PPFIA2: variants seen among roughly 807,000 people sequenced by gnomAD.
The protein encoded by PPFIA2 is liprin-alpha-2.
A neutral mutation model predicts 175.5 loss-of-function variants in PPFIA2; 46 were observed. That is an observed-to-expected ratio of 0.26 (90% CI 0.21 to 0.34). The LOEUF is 0.34. Among genes scored for constraint, PPFIA2 ranks in the 10% least tolerant of loss-of-function variants. The probability of loss-of-function intolerance (pLI) is 1.00; values close to 1 mark genes in which losing one functional copy is unlikely to be tolerated. For missense variants in PPFIA2, 1,179 were observed against 1,506.1 expected, an observed-to-expected ratio of 0.78 and a Z score of 3.60; for synonymous variants, 568 against 511.4, an observed-to-expected ratio of 1.11 and a Z score of -1.49.
chr12:81,610,828 T>C (rs1400531711), intron 4 of PPFIA2, among the ~76,000 whole-genome samples: 1 of 152,168 alleles, frequency 6.6e-6, no homozygotes, highest in Non-Finnish European at 1.5e-5. Flanking sequence ...CGGAACTGAT[T>C]CTTTCTCATC....
chr12:81,549,586 T>G (rs146223245), intron 4 of PPFIA2, among the ~76,000 whole-genome samples: 155 of 152,084 alleles, frequency 1.0e-3, no homozygotes, highest in Middle Eastern at 6.8e-3. Context: ...ACCTGGTCGC[T>G]CCAATGTTCT....
intron 4 of PPFIA2, among the ~76,000 whole-genome samples, chr12:81,623,022 C>T (rs61496869): frequency 0.033 from 5,003 of 152,112 alleles, 107 homozygotes; most frequent in South Asian, 0.066. Context: ...AATGTGTTTA[C>T]ATGTTTTTGG....
intron 22 of PPFIA2, among the ~76,000 whole-genome samples, chr12:81,322,467 A>T (rs1041867486): frequency 6.6e-6 from 1 of 152,174 alleles, no homozygotes; most frequent in Admixed American, 6.6e-5. Flanking sequence ...ATTGAGAATA[A>T]GTGACTCACC....
intron 7 of PPFIA2, among the ~76,000 whole-genome samples, chr12:81,434,104 T>C (rs1375497655): frequency 2.0e-5 from 3 of 152,012 alleles, no homozygotes; most frequent in Admixed American, 2.0e-4. Flanking sequence ...ATACACTCTA[T>C]GACTTAAGGC....
At chr12:81,465,699 C>A (rs1022325657) in intron 4 of PPFIA2, among the ~76,000 whole-genome samples, 8 of 152,034 alleles carry the variant, frequency 5.3e-5, no homozygotes, top group African/African-American at 1.7e-4. Flanking sequence ...TTTCCCCAAA[C>A]CACAGGACAT....
At chr12:81,706,744 A>G (rs2077202109) in intron 3 of PPFIA2, among the ~76,000 whole-genome samples, 1 of 152,162 alleles carries the variant, frequency 6.6e-6, no homozygotes. Context: ...AAAAGAACAA[A>G]GCTGGAGGCA....
intron 4 of PPFIA2, among the ~76,000 whole-genome samples, chr12:81,492,008 C>T (rs1297710570): frequency 6.6e-6 from 1 of 151,968 alleles, no homozygotes; most frequent in East Asian, 1.9e-4. Flanking sequence ...AGTTGTAGTA[C>T]TTCATTGAAT....
intron 11 of PPFIA2, among the ~76,000 whole-genome samples, chr12:81,371,414 T>C (rs556050695): frequency 6.6e-6 from 1 of 151,774 alleles, no homozygotes; most frequent in African/African-American, 2.4e-5. Context: ...ATGCAGTTAG[T>C]AGTGTTTAAA....
At chr12:81,390,917 A>T (rs1399304399) in intron 8 of PPFIA2, among the ~76,000 whole-genome samples, 1 of 151,816 alleles carries the variant, frequency 6.6e-6, no homozygotes, top group East Asian at 1.9e-4. Flanking sequence ...ATTTGAAATT[A>T]TTAATGATCA....
chr12:81,661,096 C>A (rs1169113872), intron 4 of PPFIA2, among the ~76,000 whole-genome samples: 1 of 152,114 alleles, frequency 6.6e-6, no homozygotes, highest in Admixed American at 6.5e-5. Context: ...CAAAAACATG[C>A]CAAATTGTAA....
intron 4 of PPFIA2, among the ~76,000 whole-genome samples, chr12:81,624,619 T>C (rs1314732603): frequency 6.8e-6 from 1 of 146,340 alleles, no homozygotes; most frequent in Non-Finnish European, 1.5e-5. Context: ...TATATAATTA[T>C]ATATATAATA....
At chr12:81,283,763 T>C (rs2042625029) in intron 25 of PPFIA2, among the ~76,000 whole-genome samples, 1 of 152,136 alleles carries the variant, frequency 6.6e-6, no homozygotes, top group South Asian at 2.1e-4. Context: ...AATTGTGCTT[T>C]TCAGTACCAA....
At chr12:81,734,868 T>C (rs1419919061) in intron 3 of PPFIA2, among the ~76,000 whole-genome samples, 1 of 151,848 alleles carries the variant, frequency 6.6e-6, no homozygotes, top group Non-Finnish European at 1.5e-5. Context: ...TAATCTCCTT[T>C]CCATCTTATA....
intron 4 of PPFIA2, among the ~76,000 whole-genome samples, chr12:81,650,914 T>C (rs776970356): frequency 6.6e-6 from 1 of 152,014 alleles, no homozygotes; most frequent in South Asian, 2.1e-4. Flanking sequence ...CAGGCAGAAA[T>C]AGAACAGTTT....
intron 4 of PPFIA2, among the ~76,000 whole-genome samples, chr12:81,487,098 G>C (rs1482659956): frequency 1.3e-5 from 2 of 151,888 alleles, no homozygotes; most frequent in African/African-American, 4.8e-5. Context: ...ATCATGCATA[G>C]CACAGTGTGT....
chr12:81,622,987 A>AT (rs528970418), intron 4 of PPFIA2, among the ~76,000 whole-genome samples: 62 of 152,224 alleles, frequency 4.1e-4, no homozygotes, highest in African/African-American at 1.3e-3. Flanking sequence ...TTATAGGAAA[A>AT]CATTAACTGT....
At chr12:81,276,031 G>A (rs1163994033) in intron 28 of PPFIA2, among the ~76,000 whole-genome samples, 1 of 152,034 alleles carries the variant, frequency 6.6e-6, no homozygotes, top group Non-Finnish European at 1.5e-5. Context: ...TGATCCGCCC[G>A]CCTCGGCCTC....
At chr12:81,651,674 A>G (rs1196772508) in intron 4 of PPFIA2, among the ~76,000 whole-genome samples, 3 of 152,156 alleles carry the variant, frequency 2.0e-5, no homozygotes, top group Admixed American at 2.0e-4. Context: ...CTCACATAAC[A>G]GTGAAATGCA....
intron 19 of PPFIA2, among the ~76,000 whole-genome samples, chr12:81,342,512 T>C (rs1012428767): frequency 6.6e-6 from 1 of 152,164 alleles, no homozygotes; most frequent in Non-Finnish European, 1.5e-5. Flanking sequence ...TGTCACCCAA[T>C]CTTAGGTTCC....
Sources: gnomAD v4.1 joint callset for allele counts (sites outside exome capture counted in the v4.1 genomes callset) on GRCh38, gnomAD v4.1.1 for gene constraint, MANE v1.5 for transcripts, NCBI Gene and HGNC (gene_info 2026-07-23, HGNC 2026-07-21) for gene names.